Variants in MNS1 observed in about 807,000 individuals in gnomAD.
The protein encoded by MNS1 is meiosis-specific nuclear structural protein 1.
A neutral mutation model predicts 72.0 loss-of-function variants in MNS1; 63 were observed. That is an observed-to-expected ratio of 0.87 (90% confidence interval 0.71 to 1.08). The LOEUF (loss-of-function observed/expected upper bound fraction) is 1.08. Ranked by LOEUF, MNS1 falls within the 50% of genes least tolerant of loss-of-function variation. The pLI is 0.00. For synonymous variants in MNS1, 188 were observed against 172.1 expected, an observed-to-expected ratio of 1.09 and a Z score of -0.72; for missense variants, 604 against 562.4, an observed-to-expected ratio of 1.07 and a Z score of -0.75.
intron 7 of MNS1, 34 bp downstream of exon 7, chr15:56,443,396 T>C (rs2050851721): frequency 4.2e-6 from 6 of 1,444,668 alleles, no homozygotes; most frequent in Non-Finnish European, 5.6e-6. Context: ...TATTCTTCTC[T>C]ACATTAATCA....
chr15:56,450,770 A>T (rs1427937291), intron 3 of MNS1, among the ~76,000 whole-genome samples: 1 of 152,196 alleles, frequency 6.6e-6, no homozygotes, highest in Non-Finnish European at 1.5e-5. Flanking sequence ...ATTTATGCCT[A>T]GGAGTGGAAT....
chr15:56,432,929 C>T (rs1272997470), intron 8 of MNS1, among the ~76,000 whole-genome samples: 2 of 152,134 alleles, frequency 1.3e-5, no homozygotes, highest in Non-Finnish European at 2.9e-5. Context: ...TTCAAAACAC[C>T]TACATATTAT....
intron 7 of MNS1, among the ~76,000 whole-genome samples, chr15:56,437,174 T>A (rs2050741288): frequency 6.6e-6 from 1 of 152,094 alleles, no homozygotes; most frequent in Non-Finnish European, 1.5e-5. Flanking sequence ...AAAGAGAATT[T>A]AAGACCAATA....
At chr15:56,452,743 C>A (rs1486556816) in intron 3 of MNS1, among the ~76,000 whole-genome samples, 3 of 152,120 alleles carry the variant, frequency 2.0e-5, no homozygotes, top group Non-Finnish European at 2.9e-5. Context: ...TGGTCTCGAT[C>A]TCCTGACCCT....
intron 4 of MNS1, 35 bp from the exon 5 acceptor site, chr15:56,444,708 A>T (rs1331210433): frequency 1.3e-6 from 2 of 1,507,294 alleles, no homozygotes; most frequent in African/African-American, 2.8e-5. Context: ...TTCCGTTTTC[A>T]AATTTGAACA....
chr15:56,443,622 G>A lies in MNS1; in HGVS notation c.903+16C>T. 2 of 1,605,484 alleles carry A rather than the reference G, an allele frequency of 1.2e-6. No individual in the cohort carries two copies. Among genetic ancestry groups the A allele is most frequent in the Non-Finnish European group, 1.7e-6 (2 of 1,176,192 alleles). The stretch of plus-strand genomic sequence containing the variant: ...TCAGAATTTTACTAGTGTTAAAGAA[G>A]TGGTTATTTTAATACCGCATTCTGA... On this transcript the variant is annotated intron_variant, in intron 6 of 9. Transcript: ENST00000260453.
At chr15:56,434,861 A>G (rs917821928) in intron 7 of MNS1, among the ~76,000 whole-genome samples, 1 of 152,082 alleles carries the variant, frequency 6.6e-6, no homozygotes, top group African/African-American at 2.4e-5. Context: ...TATTCCCTTC[A>G]TTCTCCAAAA....
intron 7 of MNS1, among the ~76,000 whole-genome samples, chr15:56,440,579 G>A (rs1442224824): frequency 3.3e-5 from 5 of 152,038 alleles, no homozygotes; most frequent in African/African-American, 1.2e-4. Flanking sequence ...GCCCTTTAAT[G>A]GGCAAATGGT....
chr15:56,431,726 C>A (rs536621287), intron 8 of MNS1, among the ~76,000 whole-genome samples: 62 of 151,878 alleles, frequency 4.1e-4, no homozygotes, highest in African/African-American at 1.4e-3. Flanking sequence ...AGGAGGCAAA[C>A]AAATATTTTC....
intron 2 of MNS1, 45 bp downstream of exon 2, chr15:56,463,981 A>G (rs1251808106): frequency 4.1e-6 from 6 of 1,475,716 alleles, no homozygotes; most frequent in Non-Finnish European, 5.6e-6. Context: ...ATCGTTTCCA[A>G]GGTGCAAAAT....
At chr15:56,441,297 T>C (rs1187092903) in intron 7 of MNS1, among the ~76,000 whole-genome samples, 2 of 152,158 alleles carry the variant, frequency 1.3e-5, no homozygotes, top group East Asian at 1.9e-4. Flanking sequence ...ACTTCCTTTA[T>C]GTCCTAGAAT....
chr15:56,444,715 A>G (rs748191123), intron 4 of MNS1, 42 bp from the exon 5 acceptor site: 1 of 1,475,280 alleles, frequency 6.8e-7, no homozygotes, highest in African/African-American at 1.4e-5. Flanking sequence ...TTCAAATTTG[A>G]ACATAGTACG....
At position 56,440,553 on chromosome 15, in the gene MNS1, T is replaced by C. The variant is rs1211734793; in HGVS notation, c.1011+2877A>G. On this transcript the variant is annotated intron_variant, in intron 7 of 9. Transcript: ENST00000260453. ...AGATTTACTCATCAGAGCTAAATATTGGAAGCATTCCAAATGCCCTTTAAT... is the reference window on the plus strand; with the variant it reads ...AGATTTACTCATCAGAGCTAAATATCGGAAGCATTCCAAATGCCCTTTAAT... Among the ~76,000 whole-genome samples the C allele has an allele frequency of 2.0e-5, 3 of 152,174 alleles. No homozygotes were observed. The East Asian group carries it at 5.8e-4, about 29-fold the overall frequency.
In MNS1 at chr15:56,464,195, T is replaced by A. The variant is rs774279371; in HGVS notation, c.56A>T (p.Asp19Val). ...SCSERHQKLVDENYCKKLHVQ... is the reference protein window; with the variant it reads ...SCSERHQKLVVENYCKKLHVQ... Reference sequence around the variant, plus strand: ...ATGTAATTTTTTGCAGTAGTTTTCATCTACTAATTTCTGATGCCTTTCACT... The same window carrying A: ...ATGTAATTTTTTGCAGTAGTTTTCAACTACTAATTTCTGATGCCTTTCACT... Residue 19 changes from aspartate (D) to valine (V), a missense_variant, in exon 2 of 10, where the codon GAT (aspartate) becomes GTT (valine). Transcript: ENST00000260453. 2 of 1,613,950 alleles carry A rather than the reference T, an allele frequency of 1.2e-6. No homozygotes were observed. Among genetic ancestry groups the A allele is most frequent in the Admixed American group, 3.3e-5 (2 of 60,000 alleles).
chr15:56,462,105 A>C (rs181197302), intron 2 of MNS1, among the ~76,000 whole-genome samples: 16 of 150,260 alleles, frequency 1.1e-4, no homozygotes, highest in African/African-American at 3.7e-4. Flanking sequence ...CCTGGGCTCA[A>C]GAGATCCTTC....
chr15:56,430,525 G>A (rs2050559248), intron 9 of MNS1, among the ~76,000 whole-genome samples: 1 of 152,124 alleles, frequency 6.6e-6, no homozygotes, highest in South Asian at 2.1e-4. Flanking sequence ...TTTATTTGAA[G>A]TCACAGTGTG....
intron 7 of MNS1, among the ~76,000 whole-genome samples, chr15:56,436,627 A>G (rs1361808891): frequency 6.6e-6 from 1 of 152,224 alleles, no homozygotes; most frequent in East Asian, 1.9e-4. Flanking sequence ...TGAAGGAGAT[A>G]GAGACACAAA....
At chr15:56,461,199 C>A (rs897620532) in intron 2 of MNS1, among the ~76,000 whole-genome samples, 3 of 151,918 alleles carry the variant, frequency 2.0e-5, no homozygotes, top group Non-Finnish European at 4.4e-5. Flanking sequence ...GATTTAAATG[C>A]TAATCTCATC....
chr15:56,462,231 G>C (rs814278), intron 2 of MNS1, among the ~76,000 whole-genome samples: 1 of 152,084 alleles, frequency 6.6e-6, no homozygotes, highest in Non-Finnish European at 1.5e-5. Context: ...AAAAGAATCA[G>C]AAAATCAGTT....
Sources: allele counts gnomAD v4.1 joint callset (sites outside exome capture counted in the v4.1 genomes callset), GRCh38; gene constraint gnomAD v4.1.1; transcripts MANE v1.5; gene names NCBI Gene and HGNC (gene_info 2026-07-23, HGNC 2026-07-21).